Variants in ZNF175 observed in about 807,000 individuals in gnomAD.
ZNF175 encodes the protein zinc finger protein OTK18.
Under a neutral mutation model 14.0 loss-of-function variants are expected in ZNF175, and 8 were observed. The observed-to-expected ratio is 0.57, with a 90% CI of 0.34 to 1.03. The LOEUF (loss-of-function observed/expected upper bound fraction) is 1.03. Among genes scored for constraint, ZNF175 ranks in the 50% least tolerant of loss-of-function variants. The pLI is 0.03. For synonymous variants in ZNF175, 255 were observed against 296.8 expected (o/e 0.86, Z 1.45); for missense variants, 764 against 849.5 (o/e 0.90, Z 1.25).
At chr19:51,579,112 G>T (rs7256834) in intron 2 of ZNF175, among the ~76,000 whole-genome samples, 55,829 of 151,802 alleles carry the variant, frequency 0.37, 11,082 homozygotes, top group Middle Eastern at 0.57. Flanking sequence ...AATTAGCCAG[G>T]CATGTTGGCA....
At chr19:51,583,929 T>C (rs558930194) in intron 4 of ZNF175, among the ~76,000 whole-genome samples, 1 of 152,340 alleles carries the variant, frequency 6.6e-6, no homozygotes, top group South Asian at 2.1e-4. Flanking sequence ...GAGGAAACCA[T>C]TGTATTTAAG....
In ZNF175 at chr19:51,573,380, G is replaced by A. The variant is rs1188040122; in HGVS notation, c.51G>A (p.Glu17=). The A allele has an allele frequency of 6.2e-7, 1 of 1,612,540 alleles. No homozygotes were observed. The highest frequency in any genetic ancestry group is 2.2e-5 in the East Asian group (1 of 44,648). ...AGAAGCCTCAGGTCCTGGGTCCAGA[G>A]AAGCAGGATGGATCTTGCGAGGTAA... The part of the protein sequence containing the change: ...LSQKPQVLGP[E]KQDGSCEASV... The change falls in exon 2 of 5, where the codon GAG becomes GAA. Residue 17 remains glutamate (E), a synonymous_variant. Coordinates refer to ENST00000262259, the MANE Select transcript of ZNF175 (RefSeq NM_007147.4).
chr19:51,574,749 C>T (rs913775977), intron 2 of ZNF175, among the ~76,000 whole-genome samples: 43 of 152,238 alleles, frequency 2.8e-4, no homozygotes, highest in African/African-American at 9.9e-4. Context: ...CTCTCATTTG[C>T]ATTGATGTTG....
intron 2 of ZNF175, among the ~76,000 whole-genome samples, chr19:51,577,663 C>CTCTTTT (rs1555785256): frequency 1.6e-5 from 2 of 127,242 alleles, no homozygotes; most frequent in East Asian, 2.3e-4. Flanking sequence ...CTTTCTCTCT[C>CTCTTTT]TTTTTTTTTT....
chr19:51,572,920 C>G (rs1026303001), intron 1 of ZNF175, among the ~76,000 whole-genome samples: 1 of 152,202 alleles, frequency 6.6e-6, no homozygotes, highest in African/African-American at 2.4e-5. Flanking sequence ...GAAACTACAA[C>G]TAAAGTAATA....
At chr19:51,586,595 G>T (rs1982169158) in intron 4 of ZNF175, 32 bp from the exon 5 acceptor site, 1 of 1,544,682 alleles carries the variant, frequency 6.5e-7, no homozygotes, top group African/African-American at 1.4e-5. Flanking sequence ...CTTGTTCATT[G>T]TGTCTATTTC....
rs1982179683 is a variant in ZNF175, at chr19:51,586,831, T to A, written c.500T>A (p.Leu167Ter). ...AGTGCTTTCTTCAACAAGAAAACAT[T>A]GAACACAGAAAGCAATTGTGAATAT... ...SHSAFFNKKT[L>*]NTESNCEYKD... is the part of the protein sequence containing the mutation. Residue 167 changes from leucine to a stop codon, truncating the protein, a stop_gained, in exon 5 of 5, where the codon TTG becomes TAG. Coordinates refer to ENST00000262259, the MANE Select transcript of ZNF175 (RefSeq NM_007147.4). LOFTEE classifies it low-confidence loss of function (END_TRUNC). 1 of 1,614,106 alleles carries A rather than the reference T, an allele frequency of 6.2e-7. No individual in the cohort carries two copies. The highest frequency in any genetic ancestry group is 8.5e-7 in the Non-Finnish European group (1 of 1,179,998).
At position 51,591,077 on chromosome 19, in the gene ZNF175, T is replaced by C; in HGVS notation, c.*2610T>C. On this transcript the variant is annotated 3_prime_UTR_variant, in exon 5 of 5. Coordinates refer to ENST00000262259, the MANE Select transcript of ZNF175 (RefSeq NM_007147.4). ...CTCCTCACGTGGGCCTCCCTAACTGTCCCCCTCAGGGCAAGCCCTTCCTCC... is the reference window on the plus strand; with the variant it reads ...CTCCTCACGTGGGCCTCCCTAACTGCCCCCCTCAGGGCAAGCCCTTCCTCC... 1 of 152,720 alleles carries C rather than the reference T, an allele frequency of 6.5e-6. No individual in the cohort carries two copies. Among genetic ancestry groups the C allele is most frequent in the Non-Finnish European group, 1.5e-5 (1 of 68,390 alleles). 9.5% of individuals were successfully genotyped at this position (152,720 alleles called of 1,614,324 possible).
rs912862494 is a variant in ZNF175, at chr19:51,591,842, C to T, written c.*3375C>T. On this transcript the variant is annotated 3_prime_UTR_variant, in exon 5 of 5. Transcript: ENST00000262259. The stretch of plus-strand genomic sequence containing the variant: ...GGAGTGCAGTGGCACGATCTCAGCT[C>T]ACTGCAAGCTCCGCCTCCCGGGTTC... The T allele has an allele frequency of 1.3e-5, 2 of 151,018 alleles. No individual in the cohort carries two copies. Among genetic ancestry groups the T allele is most frequent in the Non-Finnish European group, 2.9e-5 (2 of 67,882 alleles). 9.4% of individuals were successfully genotyped at this position (151,018 alleles called of 1,614,324 possible).
At chr19:51,586,479 G>T in intron 4 of ZNF175, 148 bp from the exon 5 acceptor site, 1 of 777,518 alleles carries the variant, frequency 1.3e-6, no homozygotes, top group Non-Finnish European at 2.0e-6. Context: ...ATGTAATAAG[G>T]GCTCTGTGTT....
At chr19:51,577,652 CCTTT>C (rs1231955280) in intron 2 of ZNF175, among the ~76,000 whole-genome samples, 1 of 149,418 alleles carries the variant, frequency 6.7e-6, no homozygotes, top group Non-Finnish European at 1.5e-5. Flanking sequence ...ACAAAATACT[CCTTT>C]CTCTCTCTTT....
chr19:51,571,875 C>G (rs1043932725), intron 1 of ZNF175, among the ~76,000 whole-genome samples: 1 of 152,140 alleles, frequency 6.6e-6, no homozygotes, highest in African/African-American at 2.4e-5. Flanking sequence ...GATGGGCAAC[C>G]TATAGGAATC....
In ZNF175 at chr19:51,587,234, T is replaced by C. The variant is rs1203419361; in HGVS notation, c.903T>C (p.His301=). ...ACCTCTTTGCCCAACAGAGAATTCA[T>C]AGTGTAGGAAACCTCCATGAATGTG... ...KSHLFAQQRI[H]SVGNLHECGK... Residue 301 remains histidine, a synonymous_variant, in exon 5 of 5, where the codon CAT becomes CAC. Coordinates refer to ENST00000262259, the MANE Select transcript of ZNF175 (RefSeq NM_007147.4). The C allele has an allele frequency of 2.5e-6, 4 of 1,614,164 alleles. No homozygotes were observed. In the East Asian group the frequency reaches 8.9e-5, roughly 36 times the overall value.
chr19:51,581,563 GA>G (rs1982004003), intron 3 of ZNF175, 46 bp downstream of exon 3: 1 of 1,584,270 alleles, frequency 6.3e-7, no homozygotes, highest in South Asian at 1.2e-5. Flanking sequence ...CTGTTGAGGA[GA>G]TTTCCTTCCT....
At position 51,589,801 on chromosome 19, in the gene ZNF175, A is replaced by G; in HGVS notation, c.*1334A>G. 1.8e-6 allele frequency: 1 copy of G among 560,708 alleles called. No homozygotes were observed. The highest frequency in any genetic ancestry group is 3.2e-6 in the Non-Finnish European group (1 of 317,380). 34.7% of individuals were successfully genotyped at this position (560,708 alleles called of 1,614,324 possible). ...GAATTGAGTAGTTTTGGCGGAGATC[A>G]AATAGCCCCCAAGCTGGAAACTGAA... On this transcript the variant is annotated 3_prime_UTR_variant, in exon 5 of 5. Transcript: ENST00000262259.
In ZNF175 at chr19:51,589,971, T is replaced by C. The variant is rs1281944251; in HGVS notation, c.*1504T>C. On this transcript the variant is annotated 3_prime_UTR_variant, in exon 5 of 5. Coordinates refer to ENST00000262259, the MANE Select transcript of ZNF175 (RefSeq NM_007147.4). ...CATTGATTTATAAAACTCAGATCTC[T>C]TACGTGTGTGGATGGTATTTTTTTC... 1 of 214,790 alleles carries C rather than the reference T, an allele frequency of 4.7e-6. No homozygotes were observed. Among genetic ancestry groups the C allele is most frequent in the Non-Finnish European group, 9.3e-6 (1 of 107,376 alleles). 13.3% of individuals were successfully genotyped at this position (214,790 alleles called of 1,614,324 possible). A position where few individuals can be genotyped will look rare whatever the true frequency, so the allele number is the denominator to read the frequency against.
At position 51,592,424 on chromosome 19, in the gene ZNF175, T is replaced by A. The variant is rs1219996575; in HGVS notation, c.*3957T>A. ...GCATTAGAATGGTGGCTGTCCACCA[T>A]GAGTACAACACAAATGCTCGTTCTT... On this transcript the variant is annotated 3_prime_UTR_variant, in exon 5 of 5. Coordinates refer to ENST00000262259, the MANE Select transcript of ZNF175 (RefSeq NM_007147.4). The A allele has an allele frequency of 2.0e-6, 1 of 498,104 alleles. No homozygotes were observed. Among genetic ancestry groups the A allele is most frequent in the Non-Finnish European group, 3.5e-6 (1 of 286,612 alleles). 30.9% of individuals were successfully genotyped at this position (498,104 alleles called of 1,614,324 possible).
chr19:51,576,307 G>A (rs1022202280), intron 2 of ZNF175, among the ~76,000 whole-genome samples: 2 of 151,774 alleles, frequency 1.3e-5, no homozygotes, highest in African/African-American at 2.4e-5. Flanking sequence ...TTGCCACCAC[G>A]CCTGGCTAAT....
chr19:51,572,540 C>A (rs1397699127), intron 1 of ZNF175, among the ~76,000 whole-genome samples: 4 of 152,152 alleles, frequency 2.6e-5, no homozygotes, highest in Non-Finnish European at 5.9e-5. Flanking sequence ...ACAGAGCCAC[C>A]TCCCGGCCTG....
Sources: allele counts gnomAD v4.1 joint callset (sites outside exome capture counted in the v4.1 genomes callset), GRCh38; gene constraint gnomAD v4.1.1; transcripts MANE v1.5; gene names NCBI Gene and HGNC (gene_info 2026-07-23, HGNC 2026-07-21).